The following RAB11A variants were observed in gnomAD, a reference collection of about 807,000 sequenced individuals.
The protein encoded by RAB11A is RAB11A, member RAS oncogene family, also known as ras-related protein Rab-11A.
In RAB11A, 9 loss-of-function variants were observed where a neutral mutation model predicts 28.0. That is an observed-to-expected ratio of 0.32 (90% CI 0.19 to 0.56). The LOEUF (loss-of-function observed/expected upper bound fraction) is 0.56. Ranked by LOEUF, RAB11A falls within the 20% of genes least tolerant of loss-of-function variation. The probability of loss-of-function intolerance (pLI) is 0.91; values close to 1 mark genes in which losing one functional copy is unlikely to be tolerated. For missense variants in RAB11A, 108 were observed against 269.6 expected (o/e 0.40, Z 4.20); for synonymous variants, 85 against 88.2 (o/e 0.96, Z 0.20).
intron 1 of RAB11A, among the ~76,000 whole-genome samples, chr15:65,873,339 G>T (rs2078174602): frequency 6.6e-6 from 1 of 152,128 alleles, no homozygotes; most frequent in Non-Finnish European, 1.5e-5. Context: ...ATAGTCTATT[G>T]CTTAAGACAT....
chr15:65,874,062 T>C (rs2078178255), intron 1 of RAB11A, among the ~76,000 whole-genome samples: 1 of 152,208 alleles, frequency 6.6e-6, no homozygotes, highest in South Asian at 2.1e-4. Context: ...TTTAGTCCAG[T>C]AAATTAGTTT....
chr15:65,880,117 A>T (rs1351362862), intron 4 of RAB11A, among the ~76,000 whole-genome samples: 1 of 152,234 alleles, frequency 6.6e-6, no homozygotes, highest in African/African-American at 2.4e-5. Flanking sequence ...TAAATTTAGT[A>T]AAGGCAAAGC....
At chr15:65,876,463 A>C (rs2078191975) in intron 1 of RAB11A, among the ~76,000 whole-genome samples, 1 of 151,854 alleles carries the variant, frequency 6.6e-6, no homozygotes, top group Non-Finnish European at 1.5e-5. Context: ...CACCTGGCTA[A>C]TTTTTGTATT....
In RAB11A at chr15:65,877,648, T is replaced by G; in HGVS notation, c.237-114T>G. On this transcript the variant is annotated intron_variant, in intron 2 of 4. Coordinates refer to ENST00000261890, the MANE Select transcript of RAB11A (RefSeq NM_004663.5). This position sits in a 1 kb window ranked among gnomAD's most constrained non-coding sequence, Gnocchi z 4.1. Reference sequence around the variant, plus strand: ...TTAAGAATTCTAGTATTAGGAATCCTTAGAAATTTATTTATAAGTATGTTT... The same window carrying G: ...TTAAGAATTCTAGTATTAGGAATCCGTAGAAATTTATTTATAAGTATGTTT... The G allele has an allele frequency of 7.5e-7, 1 of 1,332,382 alleles. No homozygotes were observed. Among genetic ancestry groups the G allele is most frequent in the Non-Finnish European group, 1.0e-6 (1 of 981,620 alleles). The allele number at this position is 1,332,382 out of a possible 1,614,324, so 82.5% of individuals were successfully genotyped here.
chr15:65,885,373 G>A (rs971011622), intron 4 of RAB11A, among the ~76,000 whole-genome samples: 11 of 151,858 alleles, frequency 7.2e-5, no homozygotes, highest in African/African-American at 2.4e-4. Context: ...TGATCCGCCC[G>A]CCTTGGACTC....
chr15:65,869,710 T>C (rs971908975), intron 1 of RAB11A, 85 bp downstream of exon 1: 5 of 1,409,100 alleles, frequency 3.5e-6, no homozygotes, highest in African/African-American at 2.8e-5. Flanking sequence ...CGGCCACCCC[T>C]GCACTGATAT....
At position 65,890,885 on chromosome 15, in the gene RAB11A, G is replaced by C. The variant is rs919946201; in HGVS notation, c.*3045G>C. The C allele has an allele frequency of 6.6e-6, 1 of 152,102 alleles. No homozygotes were observed. The highest frequency in any genetic ancestry group is 6.5e-5 in the Admixed American group (1 of 15,270). 9.4% of individuals were successfully genotyped at this position (152,102 alleles called of 1,614,324 possible). A position where few individuals can be genotyped will look rare whatever the true frequency, so the allele number is the denominator to read the frequency against. ...TTAACAGAGGAAAAAAATATAAATT[G>C]ATTTTCTGATGTCTCACAAATATCA... On this transcript the variant is annotated 3_prime_UTR_variant, in exon 5 of 5. Transcript: ENST00000261890.
chr15:65,883,943 C>T (rs572332079), intron 4 of RAB11A, among the ~76,000 whole-genome samples: 1 of 152,144 alleles, frequency 6.6e-6, no homozygotes, highest in Non-Finnish European at 1.5e-5. Context: ...GAACTAATTT[C>T]TCAGAAGTTG....
intron 4 of RAB11A, among the ~76,000 whole-genome samples, chr15:65,886,748 A>G (rs1312636880): frequency 6.6e-6 from 1 of 152,248 alleles, no homozygotes; most frequent in African/African-American, 2.4e-5. Context: ...TATATGTTGC[A>G]GTACAGCAGT....
intron 1 of RAB11A, 44 bp downstream of exon 1, chr15:65,869,669 G>C: frequency 6.3e-7 from 1 of 1,583,370 alleles, no homozygotes; most frequent in Non-Finnish European, 8.6e-7. Flanking sequence ...CTCGTTCGGG[G>C]ACCCGGGCCA....
In RAB11A at chr15:65,879,711, C is replaced by G; in HGVS notation, c.471C>G (p.Asp157Glu). The change falls in exon 4 of 5, where the codon GAC (aspartate) becomes GAG (glutamate). Residue 157 changes from aspartate (D) to glutamate (E), a missense_variant. Asp to Glu is a conservative substitution (Grantham distance 45). Around this residue, in one of 2 missense-constraint regions of RAB11A, gnomAD observed 85 missense variants for 145.9 expected, o/e 0.58. Transcript: ENST00000261890. ...CATTCATTGAAACTTCGGCCCTAGA[C>G]TCTACAAATGTAGAAGCTGCTTTTC... ...GLSFIETSAL[D>E]STNVEAAFQT... The G allele has an allele frequency of 1.2e-6, 2 of 1,600,254 alleles. No individual in the cohort carries two copies. Among genetic ancestry groups the G allele is most frequent in the Non-Finnish European group, 1.7e-6 (2 of 1,168,094 alleles).
rs936171451 is a variant in RAB11A at position 65,890,571 on chromosome 15, G to A, written c.*2731G>A. 1 of 152,230 alleles carries A rather than the reference G, an allele frequency of 6.6e-6. No homozygotes were observed. The highest frequency in any genetic ancestry group is 2.4e-5 in the African/African-American group (1 of 41,462). The allele number at this position is 152,230 out of a possible 1,614,324, so 9.4% of individuals were successfully genotyped here. On this transcript the variant is annotated 3_prime_UTR_variant, in exon 5 of 5. Coordinates refer to ENST00000261890, the MANE Select transcript of RAB11A (RefSeq NM_004663.5). The stretch of plus-strand genomic sequence containing the variant: ...GATCTTTTAAGTTCTGAAGGGTTCT[G>A]CAGAAAAGTTACACTTCTTGAGTTT...
At position 65,877,535 on chromosome 15, in the gene RAB11A, T is replaced by G; in HGVS notation, c.236+8T>G. 1 of 1,605,438 alleles carries G rather than the reference T, an allele frequency of 6.2e-7. No individual in the cohort carries two copies. The highest frequency in any genetic ancestry group is 8.5e-7 in the Non-Finnish European group (1 of 1,174,604). Reference sequence around the variant, plus strand: ...TCGAGCTATAACATCAGCGTAAGTCTCATGGTTTTTAAGTTCTGTGAAATG... The same window carrying G: ...TCGAGCTATAACATCAGCGTAAGTCGCATGGTTTTTAAGTTCTGTGAAATG... On this transcript the variant is annotated splice_region_variant and intron_variant, in intron 2 of 4. Coordinates refer to ENST00000261890, the MANE Select transcript of RAB11A (RefSeq NM_004663.5). This position sits in a 1 kb window ranked among gnomAD's most constrained non-coding sequence, Gnocchi z 4.1.
chr15:65,888,132 A>G lies in RAB11A; in HGVS notation c.*292A>G, dbSNP rs2078265820. ...GGAAGCCTGTCACTGTATGTAGGAC[A>G]TAATAGAACTTGATCACTTGAAGCT... On this transcript the variant is annotated 3_prime_UTR_variant, in exon 5 of 5. Transcript: ENST00000261890. 1 of 255,380 alleles carries G rather than the reference A, an allele frequency of 3.9e-6. No homozygotes were observed. Among genetic ancestry groups the G allele is most frequent in the African/African-American group, 2.2e-5 (1 of 44,744 alleles). The allele number at this position is 255,380 out of a possible 1,614,324, so 15.8% of individuals were successfully genotyped here. A position where few individuals can be genotyped will look rare whatever the true frequency, so the allele number is the denominator to read the frequency against.
chr15:65,878,058 T>C lies in RAB11A; in HGVS notation c.430+103T>C, dbSNP rs2078199750. The C allele has an allele frequency of 3.5e-6, 4 of 1,153,732 alleles. No homozygotes were observed. In the East Asian group the frequency reaches 9.4e-5, roughly 27 times the overall value. 71.5% of individuals were successfully genotyped at this position (1,153,732 alleles called of 1,614,324 possible). On this transcript the variant is annotated intron_variant, in intron 3 of 4. Transcript: ENST00000261890. ...TATAATAGTTTCAGAGAGGTAAACA[T>C]GAATGCTTAGCAAGAATTGTTTTGA...
chr15:65,891,905 T>TATGGCTTTTGCTGTTAA lies in RAB11A; in HGVS notation c.*4067_*4083dup, dbSNP rs1303938520. 7.2e-5 allele frequency: 11 copies of TATGGCTTTTGCTGTTAA among 152,236 alleles called. No homozygotes were observed. The allele number at this position is 152,236 out of a possible 1,614,324, so 9.4% of individuals were successfully genotyped here. A position where few individuals can be genotyped will look rare whatever the true frequency, so the allele number is the denominator to read the frequency against. The stretch of plus-strand genomic sequence containing the variant: ...ACTGTAAATTGAGAACTGCTTGTTT[T>TATGGCTTTTGCTGTTAA]ATGGCTTTTGCTGTTAAAAAAAAAC... On this transcript the variant is annotated 3_prime_UTR_variant, in exon 5 of 5. Transcript: ENST00000261890.
Position 65,877,856 on chromosome 15 carries a change from G to A in RAB11A, c.331G>A (p.Asp111Asn), listed in dbSNP as rs1434404164. The A allele has an allele frequency of 3.7e-6, 6 of 1,612,202 alleles. No individual in the cohort carries two copies. Among genetic ancestry groups the A allele is most frequent in the Non-Finnish European group, 5.1e-6 (6 of 1,178,224 alleles). The part of the protein sequence containing the change: ...NVERWLKELR[D>N]HADSNIVIML... ...AGAGCGATGGCTGAAAGAACTGAGA[G>A]ATCATGCTGATAGTAACATTGTTAT... The change falls in exon 3 of 5, where the codon GAT (aspartate) becomes AAT (asparagine). Residue 111 changes from aspartate to asparagine, a missense_variant. Coordinates refer to ENST00000261890, the MANE Select transcript of RAB11A (RefSeq NM_004663.5). This position sits in a 1 kb window ranked among gnomAD's most constrained non-coding sequence, Gnocchi z 4.1.
At chr15:65,882,056 GA>G (rs897035723) in intron 4 of RAB11A, among the ~76,000 whole-genome samples, 1 of 150,636 alleles carries the variant, frequency 6.6e-6, no homozygotes, top group African/African-American at 2.4e-5. Context: ...GTCTCAAAAA[GA>G]AAAAAAAAGA....
chr15:65,881,731 A>C (rs550949949), intron 4 of RAB11A, among the ~76,000 whole-genome samples: 4 of 152,196 alleles, frequency 2.6e-5, no homozygotes, highest in East Asian at 3.9e-4. Context: ...CACGCCTGTA[A>C]TCCCAGCATT....
Sources: allele counts gnomAD v4.1 joint callset (sites outside exome capture counted in the v4.1 genomes callset), GRCh38; gene constraint gnomAD v4.1.1; regional missense constraint gnomAD v4.1.1; non-coding constraint Gnocchi (gnomAD v3.1); transcripts MANE v1.5; gene names NCBI Gene and HGNC (gene_info 2026-07-23, HGNC 2026-07-21).